The following RCC1L variants were observed in gnomAD, a reference collection of about 807,000 sequenced individuals.
RCC1L encodes RCC1 like.
Under a neutral mutation model 58.6 loss-of-function variants are expected in RCC1L, and 46 were observed. That is an observed-to-expected ratio of 0.79 (90% CI 0.62 to 1.00). The LOEUF (loss-of-function observed/expected upper bound fraction) is 1.00. Ranked by LOEUF, RCC1L falls within the 50% of genes least tolerant of loss-of-function variation. The pLI is 0.00. For synonymous variants in RCC1L, 281 were observed against 262.9 expected (o/e 1.07, Z -0.67); for missense variants, 636 against 623.6 (o/e 1.02, Z -0.21).
chr7:75,069,560 C>CTGTT (rs202155222), intron 2 of RCC1L, among the ~76,000 whole-genome samples: 2,507 of 151,294 alleles, frequency 0.017, 93 homozygotes, highest in African/African-American at 0.057. Context: ...GTCTACTTTT[C>CTGTT]TGTTTGTTTG....
intron 9 of RCC1L, among the ~76,000 whole-genome samples, chr7:75,053,066 G>A (rs1362153486): frequency 1.4e-5 from 2 of 145,912 alleles, no homozygotes; most frequent in East Asian, 4.0e-4. Flanking sequence ...AGGGGGCAGT[G>A]CACGGGGCTG....
intron 2 of RCC1L, among the ~76,000 whole-genome samples, chr7:75,069,393 A>G (rs1224915748): frequency 6.7e-6 from 1 of 149,894 alleles, no homozygotes; most frequent in Non-Finnish European, 1.5e-5. Context: ...TTTTTTAGAG[A>G]CAGAGTCTCG....
intron 4 of RCC1L, 33 bp downstream of exon 4, chr7:75,064,549 A>G: frequency 1.2e-6 from 2 of 1,612,664 alleles, no homozygotes; most frequent in South Asian, 1.1e-5. Context: ...ACTTAACTCA[A>G]CATGGGGAAG....
chr7:75,040,650 T>C (rs1805534343), downstream of RCC1L, among the ~76,000 whole-genome samples: 3 of 152,082 alleles, frequency 2.0e-5, no homozygotes, highest in South Asian at 6.2e-4. Context: ...ATACGTGAGT[T>C]TGATCTAGGC....
chr7:75,062,809 T>G (rs1306236612), intron 5 of RCC1L, among the ~76,000 whole-genome samples: 1 of 152,040 alleles, frequency 6.6e-6, no homozygotes, highest in East Asian at 1.9e-4. Context: ...AAATCTGTTT[T>G]TTTTTGAGAC....
intron 1 of RCC1L, among the ~76,000 whole-genome samples, chr7:75,070,988 C>A (rs1247669561): frequency 6.6e-6 from 1 of 152,070 alleles, no homozygotes; most frequent in African/African-American, 2.4e-5. Context: ...TCCCAAGTAG[C>A]TGGGACTACA....
chr7:75,059,987 C>T (rs1806221215), intron 6 of RCC1L, among the ~76,000 whole-genome samples: 1 of 152,034 alleles, frequency 6.6e-6, no homozygotes. Context: ...TGGTCTCGAT[C>T]TCTTGACCTC....
exon 11 of RCC1L, chr7:75,027,973 G>C (rs1805184714): frequency 4.6e-6 from 7 of 1,505,646 alleles, no homozygotes; most frequent in Non-Finnish European, 5.4e-6. Flanking sequence ...TCTCAGAGGG[G>C]CTCCATCCGC....
At chr7:75,060,918 CA>C (rs1384173372) in intron 6 of RCC1L, among the ~76,000 whole-genome samples, 4 of 151,912 alleles carry the variant, frequency 2.6e-5, no homozygotes, top group Non-Finnish European at 5.9e-5. Flanking sequence ...CCTGTTGTTA[CA>C]AAAAATTAGC....
At chr7:75,043,166 G>A (rs1805616949) in intron 10 of RCC1L, 57 bp from the exon 11 acceptor site, 1 of 1,605,740 alleles carries the variant, frequency 6.2e-7, no homozygotes, top group African/African-American at 1.3e-5. Flanking sequence ...GAGGAGACAG[G>A]CGCTGGTGTT....
intron 10 of RCC1L, among the ~76,000 whole-genome samples, chr7:75,047,308 C>G (rs890696920): frequency 2.0e-5 from 3 of 152,042 alleles, no homozygotes; most frequent in Admixed American, 1.3e-4. Context: ...TTCTGTTGCC[C>G]CCGGCTGGAG....
At chr7:75,033,077 A>G (rs1211173210) in intron 10 of RCC1L, among the ~76,000 whole-genome samples, 2 of 150,528 alleles carry the variant, frequency 1.3e-5, no homozygotes, top group Non-Finnish European at 3.0e-5. Context: ...GTCTCAAAAA[A>G]AAAAAAAAAA....
downstream of RCC1L, among the ~76,000 whole-genome samples, chr7:75,041,164 A>C (rs1443201154): frequency 9.9e-5 from 15 of 152,228 alleles, no homozygotes; most frequent in African/African-American, 3.6e-4. Flanking sequence ...CAGTGAGCCG[A>C]GATCGCGCCA....
intron 3 of RCC1L, among the ~76,000 whole-genome samples, chr7:75,066,273 A>C (rs1167795964): frequency 1.3e-5 from 2 of 151,950 alleles, no homozygotes; most frequent in Non-Finnish European, 2.9e-5. Context: ...AACATGGTGA[A>C]ACCCCGTCTC....
chr7:75,048,607 C>T (rs894845217), intron 10 of RCC1L, among the ~76,000 whole-genome samples: 6 of 152,258 alleles, frequency 3.9e-5, no homozygotes, highest in African/African-American at 7.2e-5. Context: ...TGTCCATGCC[C>T]TGCCCTCCCC....
exon 11 of RCC1L, chr7:75,027,686 G>A (rs928252325): frequency 2.5e-5 from 9 of 354,558 alleles, no homozygotes; most frequent in Admixed American, 8.9e-5. Flanking sequence ...GTTCAAGCCC[G>A]CTCCGTGGGA....
chr7:75,072,528 G>T (rs1213856860), intron 1 of RCC1L, among the ~76,000 whole-genome samples: 1 of 152,026 alleles, frequency 6.6e-6, no homozygotes, highest in Non-Finnish European at 1.5e-5. Flanking sequence ...GGAAAACTCA[G>T]TACTACAGCT....
chr7:75,055,715 G>T, intron 9 of RCC1L, 186 bp downstream of exon 9: 2 of 686,788 alleles, frequency 2.9e-6, no homozygotes, highest in Admixed American at 2.8e-5. Context: ...TCCAGGGGGG[G>T]AAAACAAGAC....
intron 8 of RCC1L, chr7:75,056,667 A>C (rs1806091114): frequency 2.6e-6 from 4 of 1,535,460 alleles, no homozygotes; most frequent in Non-Finnish European, 3.5e-6. Flanking sequence ...GGAATGAAGT[A>C]GTTCGCTCTC....
Sources: allele counts gnomAD v4.1 joint callset (sites outside exome capture counted in the v4.1 genomes callset), GRCh38; gene constraint gnomAD v4.1.1; transcripts MANE v1.5; gene names NCBI Gene and HGNC (gene_info 2026-07-23, HGNC 2026-07-21).